NECAB2: variants seen among roughly 807,000 people sequenced by gnomAD.
NECAB2 encodes the protein N-terminal EF-hand calcium-binding protein 2.
In NECAB2, 68 loss-of-function variants were observed where a neutral mutation model predicts 51.9. The observed-to-expected ratio is 1.31, with a 90% CI of 1.08 to 1.60. The LOEUF is 1.60. Ranked by LOEUF, NECAB2 falls within the 40% of genes most tolerant of loss-of-function variation. NECAB2 has a pLI of 0.00. For synonymous variants in NECAB2, 329 were observed against 203.5 expected (o/e 1.62, Z -5.25); for missense variants, 854 against 490.3 (o/e 1.74, Z -7.00).
chr16:83,971,128 C>T (rs1399307317), intron 1 of NECAB2, among the ~76,000 whole-genome samples: 1 of 152,038 alleles, frequency 6.6e-6, no homozygotes, highest in Non-Finnish European at 1.5e-5. Context: ...GAATCAGTCC[C>T]CGTGGGAACT....
At chr16:83,995,034 G>T (rs1023864704) in intron 8 of NECAB2, among the ~76,000 whole-genome samples, 1 of 152,212 alleles carries the variant, frequency 6.6e-6, no homozygotes, top group Non-Finnish European at 1.5e-5. Flanking sequence ...AGTGGCTGGA[G>T]CAGATATTGG....
intron 3 of NECAB2, among the ~76,000 whole-genome samples, chr16:83,980,377 G>C (rs559135713): frequency 7.9e-5 from 12 of 152,246 alleles, no homozygotes; most frequent in African/African-American, 2.4e-4. Context: ...TGTAGGAATG[G>C]GGATATGGGA....
At position 84,002,025 on chromosome 16, in the gene NECAB2, A is replaced by ACTGTCAGCTC. The variant is rs1198137570; in HGVS notation, c.1132+113_1132+122dup. On this transcript the variant is annotated intron_variant, in intron 12 of 12. Transcript: ENST00000305202. ...GGACTTGCCTGCTTGCTGTGGGCCCACTGTCAGCTCCTGCCACCAATGCCA... is the reference window on the plus strand; with the variant it reads ...GGACTTGCCTGCTTGCTGTGGGCCCACTGTCAGCTCCTGTCAGCTCCTGCCACCAATGCCA... 1.2e-5 allele frequency: 15 copies of ACTGTCAGCTC among 1,276,138 alleles called. No individual in the cohort carries two copies. The African/African-American group carries it at 2.1e-4, about 18-fold the overall frequency. 79.1% of individuals were successfully genotyped at this position (1,276,138 alleles called of 1,614,324 possible).
intron 10 of NECAB2, among the ~76,000 whole-genome samples, chr16:83,998,804 C>CCCCCTCCTA (rs1289964303): frequency 6.6e-6 from 1 of 151,832 alleles, no homozygotes; most frequent in African/African-American, 2.4e-5. Flanking sequence ...TTGCCCTTCT[C>CCCCCTCCTA]CCCCTGATGT....
At chr16:83,991,043 G>T (rs371436980) in intron 6 of NECAB2, among the ~76,000 whole-genome samples, 5 of 152,082 alleles carry the variant, frequency 3.3e-5, no homozygotes, top group African/African-American at 1.2e-4. Flanking sequence ...GTGCAGTGGC[G>T]TGATTTTGGC....
In NECAB2 at chr16:83,998,279, G is replaced by T; in HGVS notation, c.924G>T (p.Gln308His). Residue 308 changes from glutamine to histidine, a missense_variant, in exon 10 of 13, where the codon CAG becomes CAT. Physicochemically the swap from Gln to His is conservative, Grantham distance 24 (BLOSUM62 0). Transcript: ENST00000305202. Reference protein sequence around the residue: ...QLSEFLDSLRQYLRGTTGVRN... With the variant: ...QLSEFLDSLRHYLRGTTGVRN... Reference sequence around the variant, plus strand: ...GCGAGTTTCTGGACTCTCTGCGCCAGTATCTGCGGGGGACCACTGGCGTGA... The same window carrying T: ...GCGAGTTTCTGGACTCTCTGCGCCATTATCTGCGGGGGACCACTGGCGTGA... The T allele has an allele frequency of 6.2e-7, 1 of 1,613,508 alleles. No homozygotes were observed.
At position 83,978,590 on chromosome 16, in the gene NECAB2, G is replaced by T. The variant is rs1212379341; in HGVS notation, c.335+38G>T. 2.0e-6 allele frequency: 3 copies of T among 1,516,846 alleles called. No individual in the cohort carries two copies. In the South Asian group the frequency reaches 3.4e-5, roughly 17 times the overall value. 94.0% of individuals were successfully genotyped at this position (1,516,846 alleles called of 1,614,324 possible). A position where few individuals can be genotyped will look rare whatever the true frequency, so the allele number is the denominator to read the frequency against. On this transcript the variant is annotated intron_variant, in intron 3 of 12. Transcript: ENST00000305202. ...CCTGGCTGGCAGAGTGGGGGTGTGT[G>T]TGGGCTGTGGTGGAGGCATCTTTTC...
At chr16:83,989,315 T>C (rs977085614) in intron 5 of NECAB2, among the ~76,000 whole-genome samples, 3 of 152,202 alleles carry the variant, frequency 2.0e-5, no homozygotes, top group Non-Finnish European at 4.4e-5. Flanking sequence ...CAGACCCTGG[T>C]CTGGCTGTCG....
At chr16:83,981,246 G>C (rs1398416578) in intron 5 of NECAB2, 119 bp downstream of exon 5, 1 of 863,276 alleles carries the variant, frequency 1.2e-6, no homozygotes, top group South Asian at 1.6e-5. Context: ...TCTCAGGGGT[G>C]GGCTTTGCCT....
intron 5 of NECAB2, among the ~76,000 whole-genome samples, chr16:83,987,367 G>C (rs1224421001): frequency 6.6e-6 from 1 of 152,050 alleles, no homozygotes; most frequent in Non-Finnish European, 1.5e-5. Context: ...GTTTCTAATG[G>C]TTTTCCTTTC....
At chr16:83,976,008 G>C (rs527565272) in intron 2 of NECAB2, among the ~76,000 whole-genome samples, 6 of 152,216 alleles carry the variant, frequency 3.9e-5, no homozygotes, top group South Asian at 4.1e-4. Flanking sequence ...GCCTCTGTCT[G>C]CCTGCTCTCC....
intron 6 of NECAB2, 69 bp from the exon 7 acceptor site, chr16:83,994,233 A>G: frequency 7.3e-7 from 1 of 1,371,588 alleles, no homozygotes; most frequent in Non-Finnish European, 1.0e-6. Context: ...TGCCTGTGGA[A>G]GATGCTGGAA....
At chr16:83,997,735 T>C (rs112166460) in intron 9 of NECAB2, among the ~76,000 whole-genome samples, 2,884 of 152,082 alleles carry the variant, frequency 0.019, 79 homozygotes, top group African/African-American at 0.066. Context: ...CCTCATGATC[T>C]GCCCACCTTG....
Position 84,000,792 on chromosome 16 carries a change from C to A in NECAB2, c.1031C>A (p.Ala344Glu), listed in dbSNP as rs758927860. 3 of 1,613,190 alleles carry A rather than the reference C, an allele frequency of 1.9e-6. No homozygotes were observed. The highest frequency in any genetic ancestry group is 2.2e-5 in the East Asian group (1 of 44,868). The change falls in exon 11 of 13, where the codon GCG becomes GAG. Residue 344 changes from alanine to glutamate, a missense_variant. By Grantham distance (107) the Ala-to-Glu change is moderately radical. Coordinates refer to ENST00000305202, the MANE Select transcript of NECAB2 (RefSeq NM_019065.3). ...VIYEFWETEE[A>E]WKRHLQSPLC... is the part of the protein sequence containing the mutation. The stretch of plus-strand genomic sequence containing the variant: ...TATGAGTTCTGGGAGACAGAGGAGG[C>A]GTGGAAGAGGTGAGATGCTGGGTCC...
chr16:83,990,718 A>G, intron 6 of NECAB2, 88 bp downstream of exon 6: 1 of 1,533,780 alleles, frequency 6.5e-7, no homozygotes, highest in Non-Finnish European at 8.8e-7. Context: ...ATGTCTGTGT[A>G]CCTAAGAGCT....
In NECAB2 at chr16:83,968,764, G is replaced by C. The variant is rs1230998768; in HGVS notation, c.116G>C (p.Gly39Ala). Residue 39 changes from glycine (G) to alanine (A), a missense_variant, in exon 1 of 13, where the codon GGC (glycine) becomes GCC (alanine). Coordinates refer to ENST00000305202, the MANE Select transcript of NECAB2 (RefSeq NM_019065.3). ...GLLRWVGARM[G>A]EPRESLAPAA... ...CTGCGCTGGGTGGGCGCCAGGATGG[G>C]CGAGCCCCGGGAGTCGCTGGCCCCC... is the stretch of plus-strand genomic sequence containing the variant. 9.2e-7 allele frequency: 1 copy of C among 1,092,154 alleles called. No homozygotes were observed. The highest frequency in any genetic ancestry group is 1.1e-6 in the Non-Finnish European group (1 of 900,350). 67.7% of individuals were successfully genotyped at this position (1,092,154 alleles called of 1,614,324 possible).
intron 9 of NECAB2, among the ~76,000 whole-genome samples, chr16:83,997,994 T>G (rs577939590): frequency 1.3e-5 from 2 of 152,106 alleles, no homozygotes; most frequent in African/African-American, 4.8e-5. Context: ...TTTTCCCCAT[T>G]TTTGGGGGCT....
rs77693600 is a variant in NECAB2, at chr16:83,972,067, A to T, written c.202-84A>T. The T allele has an allele frequency of 1.2e-3, 1,851 of 1,573,476 alleles. 12 individuals are homozygous for T. In the African/African-American group the frequency reaches 0.013, roughly 11 times the overall value. On this transcript the variant is annotated intron_variant, in intron 1 of 12. Transcript: ENST00000305202. Reference sequence around the variant, plus strand: ...CCCTAAGCTGCTCCTGGGAGAAGAGAAGGATCCCAGTATCCGGTCAGAGGC... The same window carrying T: ...CCCTAAGCTGCTCCTGGGAGAAGAGTAGGATCCCAGTATCCGGTCAGAGGC...
intron 1 of NECAB2, among the ~76,000 whole-genome samples, chr16:83,969,740 G>C (rs1369920373): frequency 2.6e-5 from 4 of 151,998 alleles, no homozygotes; most frequent in African/African-American, 9.7e-5. Context: ...TGGGGATGTT[G>C]ACTGCGTGTT....
Sources: gnomAD v4.1 joint callset for allele counts (sites outside exome capture counted in the v4.1 genomes callset) on GRCh38, gnomAD v4.1.1 for gene constraint, MANE v1.5 for transcripts, NCBI Gene and HGNC (gene_info 2026-07-23, HGNC 2026-07-21) for gene names.